CHEK2: variants seen among roughly 807,000 people sequenced by gnomAD.
The protein encoded by CHEK2 is serine/threonine-protein kinase Chk2.
A neutral mutation model predicts 69.1 loss-of-function variants in CHEK2; 71 were observed. That is an observed-to-expected ratio of 1.03 (90% CI 0.85 to 1.25). The LOEUF is 1.25. Among genes scored for constraint, CHEK2 ranks in the 50% most tolerant of loss-of-function variants. CHEK2 has a pLI of 0.00. For synonymous variants in CHEK2, 189 were observed against 226.9 expected, an observed-to-expected ratio of 0.83 and a Z score of 1.50; for missense variants, 664 against 649.6, an observed-to-expected ratio of 1.02 and a Z score of -0.24.
At chr22:28,727,609 C>T (rs965859931) in intron 2 of CHEK2, among the ~76,000 whole-genome samples, 1 of 152,120 alleles carries the variant, frequency 6.6e-6, no homozygotes, top group Non-Finnish European at 1.5e-5. Flanking sequence ...CAACTCCTAT[C>T]AGGAAAAGGA....
At chr22:28,697,032 A>C in intron 9 of CHEK2, 45 bp from the exon 10 acceptor site, 1 of 1,222,930 alleles carries the variant, frequency 8.2e-7, no homozygotes, top group South Asian at 1.2e-5. Flanking sequence ...TGCAGTAGAT[A>C]CTTAAGTAGA....
intron 2 of CHEK2, among the ~76,000 whole-genome samples, chr22:28,728,850 G>A (rs764010648): frequency 6.6e-6 from 1 of 152,150 alleles, no homozygotes; most frequent in Admixed American, 6.6e-5. Context: ...CACACATGGT[G>A]GCACATGCCT....
chr22:28,729,638 T>A (rs1305726128), intron 2 of CHEK2, among the ~76,000 whole-genome samples: 1 of 148,072 alleles, frequency 6.8e-6, no homozygotes, highest in African/African-American at 2.5e-5. Flanking sequence ...AACAATAGAA[T>A]ATAGGAAAAT....
intron 13 of CHEK2, among the ~76,000 whole-genome samples, chr22:28,692,607 G>A (rs944139791): frequency 7.2e-5 from 11 of 152,188 alleles, no homozygotes; most frequent in African/African-American, 2.7e-4. Context: ...CGGGTCGGAG[G>A]CTGGACTGCC....
intron 2 of CHEK2, among the ~76,000 whole-genome samples, chr22:28,731,770 C>G (rs1002759919): frequency 6.6e-6 from 1 of 152,054 alleles, no homozygotes; most frequent in African/African-American, 2.4e-5. Context: ...TCAAGCTATC[C>G]TCCCACCTCT....
intron 9 of CHEK2, among the ~76,000 whole-genome samples, chr22:28,698,171 G>A (rs985879753): frequency 2.1e-5 from 3 of 145,694 alleles, no homozygotes; most frequent in African/African-American, 7.5e-5. Context: ...CAGGCGGATA[G>A]TTTGAGGTCA....
At chr22:28,715,513 G>C (rs994292850) in intron 5 of CHEK2, among the ~76,000 whole-genome samples, 1 of 151,968 alleles carries the variant, frequency 6.6e-6, no homozygotes, top group Non-Finnish European at 1.5e-5. Context: ...TCCGCCTCCT[G>C]GGTTCAATCG....
intron 14 of CHEK2, among the ~76,000 whole-genome samples, chr22:28,688,673 A>AC (rs2052222033): frequency 6.7e-6 from 1 of 149,912 alleles, no homozygotes; most frequent in South Asian, 2.1e-4. Flanking sequence ...TGTCTCAAGA[A>AC]AAAAAAAATT....
chr22:28,695,640 A>G (rs1377854843), intron 11 of CHEK2, 70 bp downstream of exon 11: 30 of 1,349,212 alleles, frequency 2.2e-5, no homozygotes, highest in Non-Finnish European at 3.2e-5. Context: ...TGGACAACAG[A>G]GCAAGACACA....
intron 5 of CHEK2, among the ~76,000 whole-genome samples, chr22:28,717,640 C>T (rs553579175): frequency 5.9e-5 from 9 of 151,900 alleles, no homozygotes; most frequent in Non-Finnish European, 1.0e-4. Context: ...TCTGGGAGGC[C>T]GAGGCAGGCA....
intron 5 of CHEK2, among the ~76,000 whole-genome samples, chr22:28,717,937 C>T (rs571934682): frequency 1.4e-3 from 210 of 151,922 alleles, no homozygotes; most frequent in African/African-American, 4.7e-3. Flanking sequence ...AAAAATTAGC[C>T]GGCTGTGATG....
intron 11 of CHEK2, 61 bp from the exon 12 acceptor site, chr22:28,695,303 A>G: frequency 2.2e-6 from 2 of 906,392 alleles, no homozygotes; most frequent in South Asian, 2.7e-5. Flanking sequence ...TGGCATTCAG[A>G]TATAAAGATT....
At chr22:28,719,557 A>T in intron 4 of CHEK2, 72 bp from the exon 5 acceptor site, 1 of 847,788 alleles carries the variant, frequency 1.2e-6, no homozygotes, top group Non-Finnish European at 1.9e-6. Context: ...TCTAAAATTT[A>T]TTCATCATAT....
intron 2 of CHEK2, chr22:28,726,140 A>G (rs2054003792): frequency 6.6e-6 from 1 of 150,672 alleles, no homozygotes; most frequent in African/African-American, 2.4e-5. Context: ...GAGGTGGAGG[A>G]TGCAGTGAGC....
At chr22:28,707,665 T>C (rs570078123) in intron 7 of CHEK2, among the ~76,000 whole-genome samples, 7 of 152,294 alleles carry the variant, frequency 4.6e-5, no homozygotes, top group Middle Eastern at 3.4e-3. Context: ...CCATGTTTAA[T>C]TCCCAAGAGT....
chr22:28,730,628 C>G (rs1024410633), intron 2 of CHEK2: 18 of 545,616 alleles, frequency 3.3e-5, no homozygotes, highest in African/African-American at 2.7e-4. Flanking sequence ...GAGGCCGAGG[C>G]GGGTGGATCA....
intron 1 of CHEK2, among the ~76,000 whole-genome samples, chr22:28,737,691 CT>C (rs1384273439): frequency 6.6e-6 from 1 of 151,992 alleles, no homozygotes; most frequent in African/African-American, 2.4e-5. Context: ...CCAGCCTGGT[CT>C]CAAACTGCAG....
rs1171533510 is a variant in CHEK2, at chr22:28,687,825, A to C, written c.*72T>G. The C allele has an allele frequency of 1.7e-6, 2 of 1,203,470 alleles. No homozygotes were observed. Among genetic ancestry groups the C allele is most frequent in the African/African-American group, 3.0e-5 (2 of 67,112 alleles). The allele number at this position is 1,203,470 out of a possible 1,614,324, so 74.5% of individuals were successfully genotyped here. On this transcript the variant is annotated 3_prime_UTR_variant, in exon 15 of 15. Coordinates refer to ENST00000404276, the MANE Select transcript of CHEK2 (RefSeq NM_007194.4). Reference sequence around the variant, plus strand: ...CATAATTAAAATACAAACTATAAAAAAACAGACTCAAAGAAAAGAAAGATG... The same window carrying C: ...CATAATTAAAATACAAACTATAAAACAACAGACTCAAAGAAAAGAAAGATG...
chr22:28,722,812 G>A (rs2053847539), intron 4 of CHEK2, among the ~76,000 whole-genome samples: 1 of 152,028 alleles, frequency 6.6e-6, no homozygotes. Flanking sequence ...AAAATCCTGG[G>A]CTCAAGGGAT....
Sources: gnomAD v4.1 joint callset for allele counts (sites outside exome capture counted in the v4.1 genomes callset) on GRCh38, gnomAD v4.1.1 for gene constraint, MANE v1.5 for transcripts, NCBI Gene and HGNC (gene_info 2026-07-23, HGNC 2026-07-21) for gene names.